RGS7: variants seen among roughly 807,000 people sequenced by gnomAD.
RGS7 encodes the protein regulator of G-protein signaling 7.
Under a neutral mutation model 81.1 loss-of-function variants are expected in RGS7, and 27 were observed. That is an observed-to-expected ratio of 0.33 (90% CI 0.25 to 0.46). RGS7 has a LOEUF of 0.46. RGS7 is among the 20% of genes least tolerant of loss of function. The pLI is 1.00. For synonymous variants in RGS7, 208 were observed against 207.7 expected (o/e 1.00, Z -0.01); for missense variants, 396 against 607.4 (o/e 0.65, Z 3.66).
At chr1:240,795,208 C>CCCATCACCA (rs1553304431) in intron 18 of RGS7, among the ~76,000 whole-genome samples, 1 of 118,162 alleles carries the variant, frequency 8.5e-6, no homozygotes, top group Non-Finnish European at 1.9e-5. Flanking sequence ...AACAAAAAAA[C>CCCATCACCA]CCACCACCAC....
chr1:241,011,051 G>C (rs561016671), intron 3 of RGS7, among the ~76,000 whole-genome samples: 1 of 152,252 alleles, frequency 6.6e-6, no homozygotes, highest in Admixed American at 6.5e-5. Context: ...CATAACTCTA[G>C]TGAAATAAAA....
chr1:240,978,529 C>T (rs971946927), intron 4 of RGS7, among the ~76,000 whole-genome samples: 38 of 151,800 alleles, frequency 2.5e-4, no homozygotes, highest in Admixed American at 2.0e-3. Context: ...AGGGCTGAAT[C>T]GGCAGTGAAG....
chr1:241,013,577 T>C (rs935039316), intron 3 of RGS7, among the ~76,000 whole-genome samples: 1 of 152,224 alleles, frequency 6.6e-6, no homozygotes. Flanking sequence ...CGTGGTGTTG[T>C]TGTGGTCAAT....
intron 2 of RGS7, among the ~76,000 whole-genome samples, chr1:241,119,588 G>T (rs925013165): frequency 2.6e-5 from 4 of 152,134 alleles, no homozygotes; most frequent in African/African-American, 7.2e-5. Flanking sequence ...TGATGACTTG[G>T]AAAATACTGA....
intron 2 of RGS7, among the ~76,000 whole-genome samples, chr1:241,135,564 C>CT (rs1211513432): frequency 1.3e-5 from 2 of 152,064 alleles, no homozygotes; most frequent in Non-Finnish European, 2.9e-5. Flanking sequence ...TTTTGCAACT[C>CT]TTTTTTGAGG....
chr1:240,889,858 G>A (rs1449649478), intron 6 of RGS7, among the ~76,000 whole-genome samples: 1 of 152,132 alleles, frequency 6.6e-6, no homozygotes, highest in East Asian at 1.9e-4. Flanking sequence ...TGTTCTTGTA[G>A]TGTCCCCTCC....
rs2068124115 is a variant in RGS7, at chr1:241,144,164, G to A, written c.79-45402C>T. Among the ~76,000 whole-genome samples, 1 of 151,636 alleles carries A rather than the reference G, an allele frequency of 6.6e-6. No individual in the cohort carries two copies. ...TTGTTCTTCATATATATATATATAT[G>A]AGCATTTTCAAACAGAGTACTTCTG... On this transcript the variant is annotated intron_variant, in intron 2 of 18. Transcript: ENST00000440928. The surrounding 1 kb of genome is among the most constrained non-coding windows in gnomAD (Gnocchi z 4.7).
intron 2 of RGS7, among the ~76,000 whole-genome samples, chr1:241,118,338 T>C (rs904926319): frequency 1.3e-5 from 2 of 152,234 alleles, no homozygotes; most frequent in African/African-American, 2.4e-5. Flanking sequence ...TTTTATTTAA[T>C]GCCAAACCTC....
chr1:240,856,206 G>A (rs796326967), intron 9 of RGS7, among the ~76,000 whole-genome samples: 6 of 152,218 alleles, frequency 3.9e-5, no homozygotes, highest in African/African-American at 1.4e-4. Flanking sequence ...TTATTCTGCT[G>A]TCTTTATGCG....
intron 2 of RGS7, among the ~76,000 whole-genome samples, chr1:241,131,182 G>A (rs1022852416): frequency 2.6e-5 from 4 of 151,976 alleles, no homozygotes; most frequent in Non-Finnish European, 5.9e-5. Context: ...TGTCATGCAT[G>A]AGTCATATTG....
Position 241,021,826 on chromosome 1 carries a change from C to T in RGS7, c.176-38697G>A, listed in dbSNP as rs552702571. Among the ~76,000 whole-genome samples, 21 of 152,286 alleles carry T rather than the reference C, an allele frequency of 1.4e-4. No individual in the cohort carries two copies. In the South Asian group the frequency reaches 4.4e-3, roughly 32 times the overall value. The stretch of plus-strand genomic sequence containing the variant: ...GCTGAGATTTGAAGCACTAACCACT[C>T]GGGGTCCTATCTTGATAGCCCTGGC... On this transcript the variant is annotated intron_variant, in intron 3 of 18. Transcript: ENST00000440928.
intron 2 of RGS7, among the ~76,000 whole-genome samples, chr1:241,335,203 G>A (rs1472707392): frequency 6.6e-6 from 1 of 152,162 alleles, no homozygotes; most frequent in Non-Finnish European, 1.5e-5. Context: ...TGAGGAGCTA[G>A]CATGATCCTT....
At chr1:241,020,264 A>G (rs1214403889) in intron 3 of RGS7, among the ~76,000 whole-genome samples, 1 of 152,196 alleles carries the variant, frequency 6.6e-6, no homozygotes, top group Non-Finnish European at 1.5e-5. Flanking sequence ...TGTCATAAAA[A>G]TTATTGCAAA....
At chr1:241,260,800 T>C (rs2148280141) in intron 2 of RGS7, among the ~76,000 whole-genome samples, 1 of 152,038 alleles carries the variant, frequency 6.6e-6, no homozygotes, top group Non-Finnish European at 1.5e-5. Context: ...TTCTGCTAAA[T>C]CCTGGGAAGG....
At chr1:240,896,913 T>G (rs184455470) in intron 6 of RGS7, among the ~76,000 whole-genome samples, 36 of 152,352 alleles carry the variant, frequency 2.4e-4, no homozygotes, top group African/African-American at 8.2e-4. Flanking sequence ...TTCCTATCCA[T>G]GAGCATGGAA....
intron 3 of RGS7, among the ~76,000 whole-genome samples, chr1:241,001,948 T>C (rs1214675255): frequency 1.3e-5 from 2 of 152,120 alleles, no homozygotes; most frequent in Non-Finnish European, 2.9e-5. Flanking sequence ...TGTGTGATAA[T>C]GACGCGTCAG....
At chr1:240,839,481 T>C (rs1348243154) in intron 9 of RGS7, among the ~76,000 whole-genome samples, 3 of 152,202 alleles carry the variant, frequency 2.0e-5, no homozygotes, top group African/African-American at 7.2e-5. Context: ...GTGGACAAGT[T>C]CTCATGATAT....
chr1:241,312,520 T>C (rs533274539), intron 2 of RGS7, among the ~76,000 whole-genome samples: 1 of 152,322 alleles, frequency 6.6e-6, no homozygotes, highest in Admixed American at 6.5e-5. Flanking sequence ...TCTGTGATGG[T>C]GATCTGTGAT....
intron 3 of RGS7, among the ~76,000 whole-genome samples, chr1:241,053,664 T>C (rs1201924131): frequency 6.6e-6 from 1 of 152,188 alleles, no homozygotes; most frequent in African/African-American, 2.4e-5. Flanking sequence ...ACATCTGATA[T>C]GGTTTGGCTG....
Sources: gnomAD v4.1 joint callset for allele counts (sites outside exome capture counted in the v4.1 genomes callset) on GRCh38, gnomAD v4.1.1 for gene constraint, Gnocchi (gnomAD v3.1) non-coding constraint, MANE v1.5 for transcripts, NCBI Gene and HGNC (gene_info 2026-07-23, HGNC 2026-07-21) for gene names.